Variants in FYCO1 observed in about 807,000 individuals in gnomAD.
The protein encoded by FYCO1 is FYVE and coiled-coil domain-containing protein 1.
In FYCO1, 122 loss-of-function variants were observed where a neutral mutation model predicts 165.1. The observed-to-expected ratio is 0.74, with a 90% CI of 0.64 to 0.86. The LOEUF (loss-of-function observed/expected upper bound fraction) is 0.86. FYCO1 is among the 40% of genes least tolerant of loss of function. The pLI, the probability that FYCO1 is intolerant of heterozygous loss-of-function variation, is 0.00. For missense variants in FYCO1, 1,702 were observed against 1,810.3 expected (o/e 0.94, Z 1.09); for synonymous variants, 648 against 742.5 (o/e 0.87, Z 2.07).
chr3:45,921,603 G>A lies in FYCO1; in HGVS notation c.*162C>T. 1 of 671,966 alleles carries A rather than the reference G, an allele frequency of 1.5e-6. No individual in the cohort carries two copies. Among genetic ancestry groups the A allele is most frequent in the Non-Finnish European group, 2.7e-6 (1 of 365,242 alleles). The allele number at this position is 671,966 out of a possible 1,614,324, so 41.6% of individuals were successfully genotyped here. ...GGGGGCTAAGAGTGGCCGGTGCAGAGTGCTGAGCACAAAGTCCTCCCCAGA... is the reference window on the plus strand; with the variant it reads ...GGGGGCTAAGAGTGGCCGGTGCAGAATGCTGAGCACAAAGTCCTCCCCAGA... On this transcript the variant is annotated 3_prime_UTR_variant, in exon 18 of 18. Coordinates refer to ENST00000296137, the MANE Select transcript of FYCO1 (RefSeq NM_024513.4).
chr3:45,982,313 A>G (rs968355233), intron 2 of FYCO1, among the ~76,000 whole-genome samples: 1 of 143,208 alleles, frequency 7.0e-6, no homozygotes, highest in Non-Finnish European at 1.5e-5. Context: ...TTAAAATGTC[A>G]AAAAAAAAAG....
At chr3:45,959,862 G>T (rs892363852) in intron 11 of FYCO1, among the ~76,000 whole-genome samples, 1 of 152,232 alleles carries the variant, frequency 6.6e-6, no homozygotes, top group Non-Finnish European at 1.5e-5. Flanking sequence ...ACCACTGGGA[G>T]TTTAAGCTAA....
chr3:45,928,036 T>C (rs1256617385), intron 16 of FYCO1, among the ~76,000 whole-genome samples: 1 of 152,242 alleles, frequency 6.6e-6, no homozygotes, highest in African/African-American at 2.4e-5. Context: ...TCCATTCACA[T>C]GAAACATCTA....
chr3:45,929,384 G>A (rs1046585990), intron 16 of FYCO1, among the ~76,000 whole-genome samples: 1 of 152,220 alleles, frequency 6.6e-6, no homozygotes, highest in African/African-American at 2.4e-5. Flanking sequence ...TGAGCAAGGG[G>A]AGAGGCCCAC....
At chr3:45,953,672 A>G (rs972508691) in intron 14 of FYCO1, among the ~76,000 whole-genome samples, 2 of 152,218 alleles carry the variant, frequency 1.3e-5, no homozygotes, top group African/African-American at 2.4e-5. Flanking sequence ...TGTAAGCTAT[A>G]GCATTCTTGC....
At chr3:45,966,250 A>T (rs1706004581) in intron 8 of FYCO1, 27 bp downstream of exon 8, 3 of 1,610,352 alleles carry the variant, frequency 1.9e-6, no homozygotes, top group African/African-American at 2.7e-5. Context: ...AGAGGGGTAG[A>T]GCCCAAGTGG....
intron 1 of FYCO1, among the ~76,000 whole-genome samples, chr3:45,992,888 A>C (rs1707625043): frequency 7.0e-6 from 1 of 143,176 alleles, no homozygotes; most frequent in Non-Finnish European, 1.5e-5. Context: ...TGGACTTCAC[A>C]TAGGGATTCT....
chr3:45,969,903 G>A, intron 6 of FYCO1, 138 bp from the exon 7 acceptor site: 1 of 629,072 alleles, frequency 1.6e-6, no homozygotes, highest in Non-Finnish European at 2.8e-6. Flanking sequence ...AAAGCCAACA[G>A]ATTCCACCAA....
chr3:45,959,469 G>A lies in FYCO1; in HGVS notation c.3511C>T (p.Leu1171Phe). The change falls in exon 12 of 18, where the codon CTC becomes TTC. Residue 1171 changes from leucine to phenylalanine, a missense_variant. Transcript: ENST00000296137. The stretch of plus-strand genomic sequence containing the variant: ...CAGTGGTTTGCCTCTGTGTCTCCGA[G>A]CCATCTCTCCTCAGCACTGAGCTTC... ...QQKLSAEERW[L>F]GDTEANHCLD... is the part of the protein sequence containing the mutation. 1 of 1,614,132 alleles carries A rather than the reference G, an allele frequency of 6.2e-7. No homozygotes were observed.
chr3:45,942,899 A>G (rs1011180077), intron 14 of FYCO1, among the ~76,000 whole-genome samples: 3 of 152,190 alleles, frequency 2.0e-5, no homozygotes, highest in African/African-American at 7.2e-5. Context: ...ACCCATCATC[A>G]TGCTGTTGAT....
chr3:45,968,341 C>T lies in FYCO1; in HGVS notation c.993G>A (p.Glu331=). ...GCCGCCGCAGGGCTGTGTGGTAGTC[C>T]TCCTCCTTCTCTGCTGCTCCTAGCT... ...GLELGAAEKE[E]DYHTALRRLE... is the part of the protein sequence containing the mutation. Residue 331 remains glutamate, a synonymous_variant, in exon 8 of 18, where the codon GAG becomes GAA. Coordinates refer to ENST00000296137, the MANE Select transcript of FYCO1 (RefSeq NM_024513.4). 6.2e-7 allele frequency: 1 copy of T among 1,613,614 alleles called. No homozygotes were observed. The highest frequency in any genetic ancestry group is 1.1e-5 in the South Asian group (1 of 91,050).
chr3:45,968,045 T>C lies in FYCO1; in HGVS notation c.1289A>G (p.Gln430Arg), dbSNP rs1387860602. The C allele has an allele frequency of 6.2e-7, 1 of 1,614,176 alleles. No individual in the cohort carries two copies. Among genetic ancestry groups the C allele is most frequent in the Admixed American group, 1.7e-5 (1 of 60,022 alleles). The change falls in exon 8 of 18, where the codon CAG (glutamine) becomes CGG (arginine). Residue 430 changes from glutamine to arginine, a missense_variant. Gln to Arg is a conservative substitution (Grantham distance 43). Transcript: ENST00000296137. The stretch of plus-strand genomic sequence containing the variant: ...TTTCAGCTGAAGCTCCTTGACCAGC[T>C]GTTCCAGTTGGGCACTCTGCTGTCT... ...VNRQQSAQLE[Q>R]LVKELQLKED...
At position 45,936,554 on chromosome 3, in the gene FYCO1, A is replaced by G. The variant is rs1471893900; in HGVS notation, c.3945-11T>C. The stretch of plus-strand genomic sequence containing the variant: ...GTTGATGTAGTATCCCTGAAATGTC[A>G]CAAATGAGAACACAGTCATTTAGCT... On this transcript the variant is annotated splice_polypyrimidine_tract_variant and intron_variant, in intron 14 of 17. Coordinates refer to ENST00000296137, the MANE Select transcript of FYCO1 (RefSeq NM_024513.4). The G allele has an allele frequency of 1.3e-6, 2 of 1,564,774 alleles. No individual in the cohort carries two copies.
chr3:45,969,859 G>C, intron 6 of FYCO1, 94 bp from the exon 7 acceptor site: 1 of 944,034 alleles, frequency 1.1e-6, no homozygotes, highest in Non-Finnish European at 1.6e-6. Context: ...GTGGTGGTAG[G>C]GGGCTGCCTT....
rs1391834848 is a variant in FYCO1 at position 45,973,112 on chromosome 3, T to C, written c.515A>G (p.Asp172Gly). Residue 172 changes from aspartate to glycine, a missense_variant, in exon 6 of 18, where the codon GAT becomes GGT. Physicochemically the swap from Asp to Gly is moderately conservative, Grantham distance 94. Transcript: ENST00000296137. The stretch of plus-strand genomic sequence containing the variant: ...CCTGGCAAATGTTGGCCAGGCAGCA[T>C]CCAAGTCAAAGCCCCTCGACGCCAG... ...FDLASRGFDL[D>G]AAWPTFARRT... The C allele has an allele frequency of 6.2e-7, 1 of 1,614,224 alleles. No individual in the cohort carries two copies. Among genetic ancestry groups the C allele is most frequent in the Admixed American group, 1.7e-5 (1 of 60,028 alleles).
At chr3:45,963,845 A>C (rs1172778890) in intron 10 of FYCO1, among the ~76,000 whole-genome samples, 2 of 152,170 alleles carry the variant, frequency 1.3e-5, no homozygotes, top group Non-Finnish European at 2.9e-5. Context: ...AGTCTGCACA[A>C]AGACAGGCTG....
intron 16 of FYCO1, among the ~76,000 whole-genome samples, chr3:45,926,577 T>C (rs891603104): frequency 5.3e-5 from 8 of 152,224 alleles, no homozygotes; most frequent in Admixed American, 1.3e-4. Context: ...AATACCTCTT[T>C]CTTAATAATT....
rs1159423330 is a variant in FYCO1, at chr3:45,973,108, A to G, written c.519T>C (p.Ala173=). The change falls in exon 6 of 18, where the codon GCT becomes GCC. Residue 173 remains alanine (A), a synonymous_variant. Coordinates refer to ENST00000296137, the MANE Select transcript of FYCO1 (RefSeq NM_024513.4). The part of the protein sequence containing the change: ...DLASRGFDLD[A]AWPTFARRTL... ...AGTACCTGGCAAATGTTGGCCAGGC[A>G]GCATCCAAGTCAAAGCCCCTCGACG... 1.9e-6 allele frequency: 3 copies of G among 1,614,136 alleles called. No individual in the cohort carries two copies. Among genetic ancestry groups the G allele is most frequent in the Non-Finnish European group, 2.5e-6 (3 of 1,180,048 alleles).
intron 3 of FYCO1, 122 bp downstream of exon 3, chr3:45,981,448 T>C: frequency 1.4e-6 from 1 of 719,358 alleles, no homozygotes; most frequent in Non-Finnish European, 2.5e-6. Context: ...ACCTTCAATC[T>C]AACCACGAGG....
Sources: allele counts gnomAD v4.1 joint callset (sites outside exome capture counted in the v4.1 genomes callset), GRCh38; gene constraint gnomAD v4.1.1; transcripts MANE v1.5; gene names NCBI Gene and HGNC (gene_info 2026-07-23, HGNC 2026-07-21).